The following DGKK variants were observed in gnomAD, a reference collection of about 807,000 sequenced individuals.
The protein encoded by DGKK is 142 kDa diacylglycerol kinase.
A neutral mutation model predicts 92.2 loss-of-function variants in DGKK; 35 were observed. The observed-to-expected ratio is 0.38, with a 90% confidence interval of 0.29 to 0.50. DGKK has a LOEUF of 0.50. Among genes scored for constraint, DGKK ranks in the 20% least tolerant of loss-of-function variants. The pLI, the probability that DGKK is intolerant of heterozygous loss-of-function variation, is 0.92. For missense variants in DGKK, 910 were observed against 992.2 expected (o/e 0.92, Z 1.11); for synonymous variants, 368 against 360.6 (o/e 1.02, Z -0.23).
chrX:50,389,702 A>T lies in DGKK; in HGVS notation c.1926+626T>A, dbSNP rs1924635434. ...TGATTACTTCTCTAGCCTCATCTTT[A>T]GTCACTCTCCCTGAATGCCCCCTTC... On this transcript the variant is annotated intron_variant, in intron 12 of 27. Transcript: ENST00000611977. Among the ~76,000 whole-genome samples the T allele has an allele frequency of 2.7e-5, 3 of 111,466 alleles. No individual in the cohort carries two copies. The Admixed American group carries it at 2.8e-4, about 11-fold the overall frequency.
At chrX:50,369,856 CT>C (rs1281181075) in intron 27 of DGKK, among the ~76,000 whole-genome samples, 1 of 111,034 alleles carries the variant, frequency 9.0e-6, no homozygotes, top group Non-Finnish European at 1.9e-5. Context: ...GAACCTGTTC[CT>C]TTTTTTTCCA....
intron 4 of DGKK, among the ~76,000 whole-genome samples, chrX:50,410,733 C>T (rs1006381085): frequency 3.6e-5 from 4 of 111,588 alleles, no homozygotes; most frequent in African/African-American, 6.5e-5. Context: ...TTGACTATGC[C>T]GCTTCCCCCT....
At chrX:50,381,676 A>G (rs1924419152) in intron 18 of DGKK, among the ~76,000 whole-genome samples, 1 of 111,784 alleles carries the variant, frequency 8.9e-6, no homozygotes, top group Non-Finnish European at 1.9e-5. Flanking sequence ...CAAATTTTTA[A>G]GATCTCAGAT....
At chrX:50,429,638 G>A (rs1390261991) in intron 1 of DGKK, among the ~76,000 whole-genome samples, 2 of 112,075 alleles carry the variant, frequency 1.8e-5, no homozygotes, top group Non-Finnish European at 3.8e-5. Flanking sequence ...GCAGTGAGCC[G>A]AGATCGCGCC....
intron 1 of DGKK, among the ~76,000 whole-genome samples, chrX:50,469,616 G>A (rs1408873059): frequency 1.8e-5 from 2 of 112,691 alleles, no homozygotes; most frequent in Non-Finnish European, 3.8e-5. Flanking sequence ...CAGTGACCGC[G>A]GCTAAGAGGT....
intron 20 of DGKK, among the ~76,000 whole-genome samples, 170 bp downstream of exon 20, chrX:50,379,457 A>G (rs1924357464): frequency 9.0e-6 from 1 of 110,642 alleles, no homozygotes; most frequent in African/African-American, 3.3e-5. Context: ...CTGCTTTCGG[A>G]TGGTAATTGC....
At chrX:50,449,854 A>C (rs1467360351) in intron 1 of DGKK, among the ~76,000 whole-genome samples, 1 of 112,138 alleles carries the variant, frequency 8.9e-6, no homozygotes, top group Non-Finnish European at 1.9e-5. Flanking sequence ...CCTAGAAAGG[A>C]TGACTAACTG....
In DGKK at chrX:50,368,962, G is replaced by T. The variant is rs782708771; in HGVS notation, c.3794C>A (p.Thr1265Lys). The change falls in exon 28 of 28, where the codon ACA (threonine) becomes AAA (lysine). Residue 1265 changes from threonine (T) to lysine (K), a missense_variant. Thr to Lys is a moderately conservative substitution (Grantham distance 78). Coordinates refer to ENST00000611977, the MANE Select transcript of DGKK (RefSeq NM_001013742.4). ...GGGCTACAGTTGAGATCTCGATGGT[G>T]TTAGAGGATCATCACCCTCTGCTTC... ...EDEAEGDDPL[T>K]PSRSQL 1 of 1,206,457 alleles carries T rather than the reference G, an allele frequency of 8.3e-7. No homozygotes were observed. The highest frequency in any genetic ancestry group is 3.0e-5 in the East Asian group (1 of 33,672).
At chrX:50,379,439 T>C (rs782198931) in intron 20 of DGKK, among the ~76,000 whole-genome samples, 188 bp downstream of exon 20, 1 of 111,278 alleles carries the variant, frequency 9.0e-6, no homozygotes, top group African/African-American at 3.3e-5. Context: ...GGTCTTTGGT[T>C]GAATTTTCTG....
At chrX:50,427,121 G>A (rs1192764030) in intron 1 of DGKK, among the ~76,000 whole-genome samples, 1 of 111,992 alleles carries the variant, frequency 8.9e-6, no homozygotes, top group Non-Finnish European at 1.9e-5. Context: ...ATAGGTGAGT[G>A]GGTAAACAGA....
intron 1 of DGKK, among the ~76,000 whole-genome samples, chrX:50,436,998 G>A (rs1453365512): frequency 1.8e-5 from 2 of 111,644 alleles, no homozygotes; most frequent in South Asian, 3.8e-4. Flanking sequence ...CCAGTGGCAG[G>A]CATTCTCTTG....
At chrX:50,390,694 G>A (rs1924664363) in intron 11 of DGKK, among the ~76,000 whole-genome samples, 2 of 111,464 alleles carry the variant, frequency 1.8e-5, no homozygotes, top group Admixed American at 1.9e-4. Context: ...GATCATCTGA[G>A]GTGCTTTTGT....
chrX:50,442,127 T>G (rs1926185869), intron 1 of DGKK, among the ~76,000 whole-genome samples: 1 of 111,366 alleles, frequency 9.0e-6, no homozygotes, highest in African/African-American at 3.3e-5. Flanking sequence ...CTAGAGCAAC[T>G]AAGAGCTAAA....
intron 4 of DGKK, among the ~76,000 whole-genome samples, chrX:50,411,724 C>T (rs1178212114): frequency 1.8e-5 from 2 of 111,126 alleles, no homozygotes; most frequent in African/African-American, 6.6e-5. Flanking sequence ...AAAACCAGAG[C>T]AATTAGGCAG....
intron 16 of DGKK, 73 bp downstream of exon 16, chrX:50,384,647 C>G: frequency 1.0e-6 from 1 of 961,263 alleles, no homozygotes; most frequent in Non-Finnish European, 1.5e-6. Flanking sequence ...ATAAAAAATA[C>G]ATATTTATTC....
intron 4 of DGKK, among the ~76,000 whole-genome samples, chrX:50,406,176 G>C (rs1925149878): frequency 8.9e-6 from 1 of 112,119 alleles, no homozygotes; most frequent in Non-Finnish European, 1.9e-5. Flanking sequence ...GAAATTCAGA[G>C]CTCTGCCTGG....
intron 7 of DGKK, among the ~76,000 whole-genome samples, chrX:50,401,756 A>G (rs933387712): frequency 1.8e-5 from 2 of 111,086 alleles, no homozygotes; most frequent in African/African-American, 6.5e-5. Context: ...AATTGAAAAA[A>G]AAAAACAGAG....
rs782505783 is a variant in DGKK, at chrX:50,376,721, A to G, written c.3272+37T>C. On this transcript the variant is annotated intron_variant, in intron 23 of 27. Coordinates refer to ENST00000611977, the MANE Select transcript of DGKK (RefSeq NM_001013742.4). ...TGGCTTCTTCTCCCTATGCCTTCTT[A>G]GGATTCTCAGCCCTGTATCTAGGCC... 1.2e-5 allele frequency: 13 copies of G among 1,113,313 alleles called. No homozygotes were observed. In the East Asian group the frequency reaches 3.4e-4, roughly 29 times the overall value. The allele number at this position is 1,113,313 out of a possible 1,213,427, so 91.7% of individuals were successfully genotyped here.
chrX:50,467,996 T>C (rs1926952418), intron 1 of DGKK, among the ~76,000 whole-genome samples: 1 of 112,126 alleles, frequency 8.9e-6, no homozygotes, highest in Admixed American at 9.4e-5. Flanking sequence ...AATGTCTGGC[T>C]CTACTAAGGG....
Sources: gnomAD v4.1 joint callset for allele counts (sites outside exome capture counted in the v4.1 genomes callset) on GRCh38, gnomAD v4.1.1 for gene constraint, MANE v1.5 for transcripts, NCBI Gene and HGNC (gene_info 2026-07-23, HGNC 2026-07-21) for gene names.